Variants in PCDHGA2 observed in about 807,000 individuals in gnomAD.
PCDHGA2 encodes protocadherin gamma-A2.
In PCDHGA2, 40 loss-of-function variants were observed where a neutral mutation model predicts 59.2. The ratio of observed to expected loss-of-function variants is 0.68; its 90% CI spans 0.52 to 0.88. The LOEUF is 0.88. Ranked by LOEUF, PCDHGA2 falls within the 40% of genes least tolerant of loss-of-function variation. PCDHGA2 has a pLI of 0.00. For synonymous variants in PCDHGA2, 560 were observed against 526.0 expected (o/e 1.06, Z -0.89); for missense variants, 1,226 against 1,204.0 (o/e 1.02, Z -0.27).
At chr5:141,423,797 C>A in intron 1 of PCDHGA2, 2 of 1,249,164 alleles carry the variant, frequency 1.6e-6, no homozygotes, top group African/African-American at 1.6e-5. Flanking sequence ...ATATTTAGAG[C>A]AATACATGTG....
chr5:141,349,032 C>A (rs894627559), intron 1 of PCDHGA2, among the ~76,000 whole-genome samples: 2 of 152,110 alleles, frequency 1.3e-5, no homozygotes, highest in Non-Finnish European at 2.9e-5. Flanking sequence ...ACTCGTTTTG[C>A]TCATTAATGG....
chr5:141,371,043 G>A, intron 1 of PCDHGA2: 1 of 1,613,966 alleles, frequency 6.2e-7, no homozygotes, highest in Non-Finnish European at 8.5e-7. Context: ...AGCTGTGGAT[G>A]GGGGCGAGCC....
At chr5:141,419,394 G>A (rs778450240) in intron 1 of PCDHGA2, 2 of 1,613,612 alleles carry the variant, frequency 1.2e-6, no homozygotes, top group East Asian at 2.2e-5. Flanking sequence ...GCGCAGAGCG[G>A]GGTGGTGTTC....
At chr5:141,478,926 G>A in intron 1 of PCDHGA2, 1 of 687,216 alleles carries the variant, frequency 1.5e-6, no homozygotes, top group Non-Finnish European at 2.3e-6. Flanking sequence ...CTAACCAGTG[G>A]CAGCTTCTAG....
At chr5:141,413,550 A>C (rs2095653911) in intron 1 of PCDHGA2, 1 of 1,613,974 alleles carries the variant, frequency 6.2e-7, no homozygotes, top group Non-Finnish European at 8.5e-7. Context: ...GGATAGAAAT[A>C]GAAGTAACTG....
chr5:141,473,974 C>T (rs958240236), intron 1 of PCDHGA2, among the ~76,000 whole-genome samples: 12 of 152,172 alleles, frequency 7.9e-5, no homozygotes, highest in Admixed American at 1.3e-4. Flanking sequence ...AAGTCTGAGG[C>T]GGGAGGATCC....
At chr5:141,356,931 G>A (rs1760396765) in intron 1 of PCDHGA2, 2 of 1,614,074 alleles carry the variant, frequency 1.2e-6, no homozygotes, top group Non-Finnish European at 1.7e-6. Context: ...GTGTGGAGCT[G>A]GCACCCCGCT....
rs776549222 is a variant in PCDHGA2, at chr5:141,357,551, G to C, written c.2424+16156G>C. The C allele has an allele frequency of 9.3e-6, 15 of 1,614,124 alleles. No individual in the cohort carries two copies. In the East Asian group the frequency reaches 2.2e-4, roughly 24 times the overall value. ...GCAGACACGCTCATCAGCCGGGAGA[G>C]TTGTGAGAAAAGCGAGCCTCTTCTG... On this transcript the variant is annotated intron_variant, in intron 1 of 3. Transcript: ENST00000394576.
chr5:141,451,326 G>T (rs189445228), intron 1 of PCDHGA2, among the ~76,000 whole-genome samples: 3 of 152,278 alleles, frequency 2.0e-5, no homozygotes, highest in Admixed American at 2.0e-4. Context: ...GTCACCTAAG[G>T]CTATTGTCTT....
intron 1 of PCDHGA2, among the ~76,000 whole-genome samples, chr5:141,433,809 C>A (rs913637407): frequency 5.3e-5 from 8 of 149,948 alleles, no homozygotes; most frequent in Non-Finnish European, 1.2e-4. Flanking sequence ...TGCACTCCAG[C>A]CTGGGCAACA....
intron 1 of PCDHGA2, among the ~76,000 whole-genome samples, chr5:141,447,747 C>A (rs1164160677): frequency 2.0e-5 from 3 of 152,106 alleles, no homozygotes; most frequent in Non-Finnish European, 4.4e-5. Flanking sequence ...AAGAGTCTTG[C>A]ATGTGACTGT....
intron 1 of PCDHGA2, chr5:141,362,068 G>A (rs62621761): frequency 1.2e-6 from 2 of 1,612,460 alleles, no homozygotes; most frequent in South Asian, 1.1e-5. Flanking sequence ...CCTGCTGGTC[G>A]CTGTGCGTGA....
chr5:141,386,894 A>G (rs1266264149), intron 1 of PCDHGA2, among the ~76,000 whole-genome samples: 1 of 152,228 alleles, frequency 6.6e-6, no homozygotes, highest in Non-Finnish European at 1.5e-5. Context: ...TGTTTCCTTC[A>G]ATTCAGAGGT....
chr5:141,361,855 C>G, intron 1 of PCDHGA2: 1 of 1,612,444 alleles, frequency 6.2e-7, no homozygotes, highest in African/African-American at 1.3e-5. Flanking sequence ...TGGCTCCGCC[C>G]TCTTCGATAT....
At chr5:141,371,345 T>TG (rs1178665977) in intron 1 of PCDHGA2, 1 of 1,613,878 alleles carries the variant, frequency 6.2e-7, no homozygotes, top group Non-Finnish European at 8.5e-7. Context: ...GCTACACAAT[T>TG]GGGGTGGAAG....
intron 1 of PCDHGA2, chr5:141,355,807 G>C (rs1444554207): frequency 6.2e-7 from 1 of 1,613,264 alleles, no homozygotes; most frequent in Admixed American, 1.7e-5. Flanking sequence ...TCTAGATCGC[G>C]AGGAAGAGGC....
At chr5:141,372,558 G>A in intron 1 of PCDHGA2, 1 of 1,614,002 alleles carries the variant, frequency 6.2e-7, no homozygotes, top group Non-Finnish European at 8.5e-7. Flanking sequence ...CTCCAGACCC[G>A]CCACTGAGGG....
At chr5:141,371,674 A>G (rs1767933506) in intron 1 of PCDHGA2, 2 of 1,613,896 alleles carry the variant, frequency 1.2e-6, no homozygotes, top group African/African-American at 2.7e-5. Context: ...GCTACCGACA[A>G]AGGCAATCCA....
chr5:141,370,607 G>T, intron 1 of PCDHGA2: 1 of 1,614,004 alleles, frequency 6.2e-7, no homozygotes, highest in South Asian at 1.1e-5. Context: ...TTATTGCAGA[G>T]AAGAAATTCT....
Sources: allele counts gnomAD v4.1 joint callset (sites outside exome capture counted in the v4.1 genomes callset), GRCh38; gene constraint gnomAD v4.1.1; transcripts MANE v1.5; gene names NCBI Gene and HGNC (gene_info 2026-07-23, HGNC 2026-07-21).